DIAPH2: variants seen among roughly 807,000 people sequenced by gnomAD.
DIAPH2 encodes diaphanous related formin 2.
Under a neutral mutation model 92.7 loss-of-function variants are expected in DIAPH2, and 35 were observed. The observed-to-expected ratio is 0.38, with a 90% CI of 0.29 to 0.50. The LOEUF (loss-of-function observed/expected upper bound fraction) is 0.50, where lower values mean the gene tolerates loss of function less well. Among genes scored for constraint, DIAPH2 ranks in the 20% least tolerant of loss-of-function variants. The pLI is 0.94. For missense variants in DIAPH2, 701 were observed against 819.5 expected, an observed-to-expected ratio of 0.86 and a Z score of 1.77; for synonymous variants, 301 against 280.4, an observed-to-expected ratio of 1.07 and a Z score of -0.73.
intron 24 of DIAPH2, among the ~76,000 whole-genome samples, chrX:97,352,726 C>T (rs2069228753): frequency 1.9e-5 from 2 of 106,331 alleles, no homozygotes. Flanking sequence ...AAAAATTAGC[C>T]GGGCATGGTG....
chrX:97,010,371 G>C lies in DIAPH2; in HGVS notation c.2050+45164G>C, dbSNP rs2066216429. On this transcript the variant is annotated intron_variant, in intron 17 of 26. Coordinates refer to ENST00000324765, the MANE Select transcript of DIAPH2 (RefSeq NM_006729.5). ...TAGGGATGGGGGGGATGGTGTTGGT[G>C]ATTCAAAATGGTCTTTCCTACCTTC... Among the ~76,000 whole-genome samples, 9 of 111,394 alleles carry C rather than the reference G, an allele frequency of 8.1e-5. No homozygotes were observed. The Admixed American group carries it at 8.6e-4, about 11-fold the overall frequency.
intron 4 of DIAPH2, among the ~76,000 whole-genome samples, chrX:96,796,383 T>C (rs747553352): frequency 7.1e-4 from 79 of 111,442 alleles, no homozygotes; most frequent in African/African-American, 2.3e-3. Context: ...TTGCACCATG[T>C]TGGCTGGAAT....
intron 25 of DIAPH2, among the ~76,000 whole-genome samples, chrX:97,414,340 T>C (rs1273286929): frequency 9.0e-6 from 1 of 111,703 alleles, no homozygotes; most frequent in African/African-American, 3.3e-5. Context: ...CTGGGAAAAC[T>C]GGCTAGCCAT....
At position 97,301,447 on chromosome X, in the gene DIAPH2, T is replaced by C. The variant is rs146927702; in HGVS notation, c.2845-46669T>C. On this transcript the variant is annotated intron_variant, in intron 23 of 26. Coordinates refer to ENST00000324765, the MANE Select transcript of DIAPH2 (RefSeq NM_006729.5). ...AAAGCGAAGTATTCAAAATGGCTTG[T>C]AGCAAGGTGCTGAGACATGTGAAGG... is the stretch of plus-strand genomic sequence containing the variant. 5.3e-4 allele frequency among the ~76,000 whole-genome samples: 59 copies of C among 111,697 alleles called. No individual in the cohort carries two copies. The East Asian group carries it at 9.8e-3, about 19-fold the overall frequency.
chrX:96,751,904 C>T (rs2064196207), intron 3 of DIAPH2, among the ~76,000 whole-genome samples: 3 of 97,570 alleles, frequency 3.1e-5, no homozygotes, highest in African/African-American at 3.5e-5. Context: ...CCGCCCGCCT[C>T]GGCCTCCCAA....
At chrX:97,203,189 A>G (rs1468704305) in intron 22 of DIAPH2, among the ~76,000 whole-genome samples, 1 of 112,078 alleles carries the variant, frequency 8.9e-6, no homozygotes, top group Non-Finnish European at 1.9e-5. Flanking sequence ...AGGGAACTTT[A>G]TAGCACTAAG....
intron 9 of DIAPH2, among the ~76,000 whole-genome samples, chrX:96,929,344 T>C (rs2065604384): frequency 9.0e-6 from 1 of 111,702 alleles, no homozygotes; most frequent in Non-Finnish European, 1.9e-5. Context: ...GCCAAATGTA[T>C]GGCAAATATT....
intron 3 of DIAPH2, among the ~76,000 whole-genome samples, chrX:96,756,137 A>G (rs1350653017): frequency 9.0e-6 from 1 of 111,527 alleles, no homozygotes; most frequent in Admixed American, 9.5e-5. Flanking sequence ...AAGTGCTAGG[A>G]CTTTGGCGTG....
chrX:97,514,773 G>T (rs1439612286), intron 26 of DIAPH2, among the ~76,000 whole-genome samples: 1 of 108,308 alleles, frequency 9.2e-6, no homozygotes, highest in Non-Finnish European at 1.9e-5. Flanking sequence ...CCTGCAGTGT[G>T]TGGTGTCAGT....
chrX:97,272,398 AAT>A (rs2147586047), intron 23 of DIAPH2, among the ~76,000 whole-genome samples: 1 of 111,866 alleles, frequency 8.9e-6, no homozygotes, highest in East Asian at 2.8e-4. Context: ...TACCTAACAT[AAT>A]TAGCCATGAT....
intron 4 of DIAPH2, among the ~76,000 whole-genome samples, chrX:96,782,535 G>A (rs766633877): frequency 1.2e-3 from 132 of 111,410 alleles, no homozygotes; most frequent in African/African-American, 4.0e-3. Context: ...TCCTGACCTC[G>A]TGATCCGCCC....
intron 17 of DIAPH2, among the ~76,000 whole-genome samples, chrX:96,993,447 G>A (rs1036461954): frequency 8.9e-6 from 1 of 112,124 alleles, no homozygotes; most frequent in African/African-American, 3.2e-5. Flanking sequence ...CTTTGGGGAA[G>A]GCCTCAGGAA....
intron 26 of DIAPH2, among the ~76,000 whole-genome samples, chrX:97,510,302 G>C (rs1442700142): frequency 9.0e-6 from 1 of 111,604 alleles, no homozygotes; most frequent in African/African-American, 3.3e-5. Flanking sequence ...CTGCATAAAT[G>C]TCTTCTTTTG....
intron 22 of DIAPH2, among the ~76,000 whole-genome samples, chrX:97,225,522 GATTA>G (rs1246148582): frequency 2.7e-5 from 3 of 111,351 alleles, no homozygotes; most frequent in Non-Finnish European, 3.8e-5. Context: ...TGACCTCTTT[GATTA>G]ATTGACCTTG....
chrX:96,954,816 C>T (rs964662397), intron 15 of DIAPH2, among the ~76,000 whole-genome samples: 6 of 111,661 alleles, frequency 5.4e-5, no homozygotes, highest in Non-Finnish European at 3.8e-5. Flanking sequence ...GAAATGGATG[C>T]TATTTAGTAT....
chrX:97,529,583 T>C (rs2147850072), intron 26 of DIAPH2, among the ~76,000 whole-genome samples: 1 of 112,009 alleles, frequency 8.9e-6, no homozygotes, highest in Admixed American at 9.5e-5. Context: ...TAAGGAATTA[T>C]AATGAATTAT....
intron 17 of DIAPH2, among the ~76,000 whole-genome samples, chrX:97,024,369 C>G (rs1023383651): frequency 5.4e-5 from 6 of 111,698 alleles, no homozygotes; most frequent in African/African-American, 2.0e-4. Context: ...AAATGAACAT[C>G]CAGCGTATTC....
chrX:97,517,091 G>A (rs918659995), intron 26 of DIAPH2, among the ~76,000 whole-genome samples: 2 of 111,849 alleles, frequency 1.8e-5, no homozygotes, highest in Non-Finnish European at 3.8e-5. Context: ...GGAGTCCATA[G>A]TGATGGACCT....
At chrX:97,079,964 A>G (rs1023736436) in intron 19 of DIAPH2, among the ~76,000 whole-genome samples, 1 of 111,543 alleles carries the variant, frequency 9.0e-6, no homozygotes, top group African/African-American at 3.3e-5. Context: ...AATCTACACT[A>G]TATACCAGAC....
Sources: gnomAD v4.1 joint callset for allele counts (sites outside exome capture counted in the v4.1 genomes callset) on GRCh38, gnomAD v4.1.1 for gene constraint, MANE v1.5 for transcripts, NCBI Gene and HGNC (gene_info 2026-07-23, HGNC 2026-07-21) for gene names.